Variants in INSL6 observed in about 807,000 individuals in gnomAD.
INSL6 encodes the protein insulin-like peptide INSL6.
In INSL6, 16 loss-of-function variants were observed where a neutral mutation model predicts 9.4. The observed-to-expected ratio is 1.70, with a 90% CI of 1.15 to 2.59. INSL6 has a LOEUF of 2.59. Among genes scored for constraint, INSL6 ranks in the 30% most tolerant of loss-of-function variants. The pLI is 0.00. For synonymous variants in INSL6, 154 were observed against 96.9 expected, an observed-to-expected ratio of 1.59 and a Z score of -3.46; for missense variants, 391 against 257.3, an observed-to-expected ratio of 1.52 and a Z score of -3.56.
chr9:5,153,165 T>A (rs1279230315), intron 2 of INSL6, among the ~76,000 whole-genome samples: 2 of 151,046 alleles, frequency 1.3e-5, no homozygotes, highest in Non-Finnish European at 3.0e-5. Context: ...CATACCCCAG[T>A]GGCGCCTGGA....
chr9:5,031,375 T>C, the INSL6 span, among the ~76,000 whole-genome samples: 1 of 152,146 alleles, frequency 6.6e-6, no homozygotes, highest in Admixed American at 6.5e-5. Flanking sequence ...ATAAACTAAA[T>C]AATGAGAATG....
chr9:5,085,198 G>A, the INSL6 span: 2 of 660,428 alleles, frequency 3.0e-6, no homozygotes, highest in African/African-American at 1.8e-5. Flanking sequence ...CATGATCATA[G>A]CATTCATTTC....
At chr9:4,993,267 T>C in the INSL6 span, among the ~76,000 whole-genome samples, 6 of 152,190 alleles carry the variant, frequency 3.9e-5, no homozygotes, top group Non-Finnish European at 8.8e-5. Flanking sequence ...AAAGGATCTA[T>C]GAGGTACTGA....
At chr9:5,068,047 C>T in the INSL6 span, among the ~76,000 whole-genome samples, 15 of 151,910 alleles carry the variant, frequency 9.9e-5, no homozygotes, top group Non-Finnish European at 2.2e-4. Flanking sequence ...GTAGTCCCAG[C>T]TACTCGGGAG....
the INSL6 span, among the ~76,000 whole-genome samples, chr9:5,058,216 C>T: frequency 2.0e-5 from 3 of 152,030 alleles, no homozygotes; most frequent in Non-Finnish European, 2.9e-5. Context: ...TCTATTAGTC[C>T]GTTCTCACAC....
intron 1 of INSL6, among the ~76,000 whole-genome samples, chr9:5,177,921 G>A (rs1158150260): frequency 1.3e-5 from 2 of 152,018 alleles, no homozygotes; most frequent in Admixed American, 1.3e-4. Flanking sequence ...TGTCACCCAG[G>A]CTGGAGTACA....
At chr9:5,052,843 G>A in the INSL6 span, among the ~76,000 whole-genome samples, 1 of 151,700 alleles carries the variant, frequency 6.6e-6, no homozygotes. Context: ...TCTTTTTATT[G>A]CTGAATCATT....
the INSL6 span, chr9:5,081,777 C>T: frequency 6.2e-7 from 1 of 1,605,192 alleles, no homozygotes. Flanking sequence ...GGATAGGTGC[C>T]CTGGGGTTTT....
At chr9:5,085,665 C>T in the INSL6 span, 10 of 725,460 alleles carry the variant, frequency 1.4e-5, no homozygotes, top group African/African-American at 1.0e-4. Context: ...TTTTCCTTTT[C>T]GAGAACGTGC....
At chr9:5,123,270 CATTGTAT>C (rs1469864297), downstream of INSL6, 2 of 528,306 alleles carry the variant, frequency 3.8e-6, no homozygotes, top group African/African-American at 3.9e-5. Flanking sequence ...TAATAACATA[CATTGTAT>C]CCCTTAAATA....
the INSL6 span, among the ~76,000 whole-genome samples, chr9:5,000,084 T>C: frequency 6.6e-6 from 1 of 152,218 alleles, no homozygotes; most frequent in African/African-American, 2.4e-5. Flanking sequence ...CTATTTATGT[T>C]CATTTTCATA....
chr9:5,017,305 G>C, the INSL6 span, among the ~76,000 whole-genome samples: 1 of 152,162 alleles, frequency 6.6e-6, no homozygotes, highest in Non-Finnish European at 1.5e-5. Flanking sequence ...CCTGAAGGAA[G>C]ACCCAAAACA....
At chr9:5,035,740 AAG>A in the INSL6 span, among the ~76,000 whole-genome samples, 9 of 152,204 alleles carry the variant, frequency 5.9e-5, no homozygotes, top group Admixed American at 5.9e-4. Context: ...TCAAAATAAT[AAG>A]AGCTATCTAT....
the INSL6 span, among the ~76,000 whole-genome samples, chr9:5,102,481 C>G: frequency 6.6e-6 from 1 of 152,108 alleles, no homozygotes; most frequent in Non-Finnish European, 1.5e-5. Context: ...GGATATTATC[C>G]AGGAGAACTT....
chr9:4,996,481 T>C, the INSL6 span, among the ~76,000 whole-genome samples: 9 of 151,902 alleles, frequency 5.9e-5, no homozygotes, highest in African/African-American at 2.2e-4. Flanking sequence ...TAAAAATAAA[T>C]ACATAAATAG....
chr9:5,138,327 CA>C (rs528469201), intron 2 of INSL6, among the ~76,000 whole-genome samples: 103 of 152,302 alleles, frequency 6.8e-4, no homozygotes, highest in African/African-American at 2.3e-3. Context: ...GACTTGGAAC[CA>C]ACCCAAATGC....
intron 2 of INSL6, among the ~76,000 whole-genome samples, chr9:5,154,036 C>G (rs1824767065): frequency 6.6e-6 from 1 of 152,140 alleles, no homozygotes. Context: ...GCACAAAGAA[C>G]AAAGCTGGAG....
At chr9:5,091,624 A>C in the INSL6 span, 1 of 152,072 alleles carries the variant, frequency 6.6e-6, no homozygotes, top group Non-Finnish European at 1.5e-5. Flanking sequence ...TTAATAGTAG[A>C]GTTTAGGCCT....
the INSL6 span, chr9:5,090,554 C>T: frequency 5.1e-6 from 8 of 1,582,546 alleles, no homozygotes; most frequent in South Asian, 4.8e-5. Flanking sequence ...CTGCAGTACA[C>T]ATCTCAGATA....
Sources: allele counts gnomAD v4.1 joint callset (sites outside exome capture counted in the v4.1 genomes callset), GRCh38; gene constraint gnomAD v4.1.1; transcripts MANE v1.5; gene names NCBI Gene and HGNC (gene_info 2026-07-23, HGNC 2026-07-21).